The following MED12L variants were observed in gnomAD, a reference collection of about 807,000 sequenced individuals.
MED12L encodes mediator complex subunit 12L.
In MED12L, 60 loss-of-function variants were observed where a neutral mutation model predicts 281.3. The observed-to-expected ratio is 0.21, with a 90% CI of 0.17 to 0.26. MED12L has a LOEUF of 0.26. Ranked by LOEUF, MED12L falls within the 10% of genes least tolerant of loss-of-function variation. The probability of loss-of-function intolerance (pLI) is 1.00; values close to 1 mark genes in which losing one functional copy is unlikely to be tolerated. For missense variants in MED12L, 2,146 were observed against 2,680.9 expected (o/e 0.80, Z 4.41); for synonymous variants, 974 against 987.2 (o/e 0.99, Z 0.25).
chr3:151,338,708 C>G (rs368849296), intron 16 of MED12L: 2 of 1,613,348 alleles, frequency 1.2e-6, no homozygotes, highest in Non-Finnish European at 1.7e-6. Flanking sequence ...AAATCCTCAT[C>G]GCCAGGCCAT....
intron 16 of MED12L, among the ~76,000 whole-genome samples, chr3:151,331,785 A>G (rs956287922): frequency 1.3e-5 from 2 of 152,214 alleles, no homozygotes; most frequent in African/African-American, 4.8e-5. Flanking sequence ...ATCTTATTTA[A>G]TCCTTAACAA....
intron 3 of MED12L, among the ~76,000 whole-genome samples, chr3:151,119,988 G>A (rs529252256): frequency 6.6e-6 from 1 of 151,814 alleles, no homozygotes; most frequent in East Asian, 1.9e-4. Context: ...GGGGGCTGAG[G>A]CAGGTGGATT....
At chr3:151,269,981 G>C (rs971991312) in intron 16 of MED12L, 8 of 299,638 alleles carry the variant, frequency 2.7e-5, no homozygotes, top group Non-Finnish European at 5.1e-5. Context: ...GTACTACTTG[G>C]TTTTCAATAT....
At chr3:151,372,541 T>A (rs1216872499) in intron 26 of MED12L, 26 bp from the exon 27 acceptor site, 1 of 1,587,578 alleles carries the variant, frequency 6.3e-7, no homozygotes, top group African/African-American at 1.3e-5. Context: ...CTTCTGTGAT[T>A]TTGCTTTTGT....
chr3:151,392,661 AC>A (rs1360769773), intron 38 of MED12L, among the ~76,000 whole-genome samples: 2 of 152,104 alleles, frequency 1.3e-5, no homozygotes, highest in African/African-American at 4.8e-5. Flanking sequence ...TCACTCACAT[AC>A]AAAAACATAT....
At chr3:151,155,222 T>C (rs1274661416) in intron 5 of MED12L, among the ~76,000 whole-genome samples, 1 of 152,246 alleles carries the variant, frequency 6.6e-6, no homozygotes, top group African/African-American at 2.4e-5. Flanking sequence ...TCTTCTGAAA[T>C]GCTGTTTTGC....
intron 2 of MED12L, among the ~76,000 whole-genome samples, chr3:151,087,251 C>G (rs921135896): frequency 2.0e-5 from 3 of 152,244 alleles, no homozygotes; most frequent in South Asian, 4.1e-4. Context: ...ATGTGCCGGT[C>G]GCTTTCCCGT....
rs373724265 is a variant in MED12L, at chr3:151,188,393, A to G, written c.1666A>G (p.Ile556Val). The G allele has an allele frequency of 1.6e-5, 25 of 1,610,850 alleles. No homozygotes were observed. The highest frequency in any genetic ancestry group is 2.0e-5 in the Non-Finnish European group (24 of 1,177,360). ...AGAAGTCTTAGATGAGAAGGAGTCTATTTCTTCATCCTCTCTTGCTGGATC... is the reference window on the plus strand; with the variant it reads ...AGAAGTCTTAGATGAGAAGGAGTCTGTTTCTTCATCCTCTCTTGCTGGATC... ...ESEVLDEKES[I>V]SSSSLAGSSL... is the part of the protein sequence containing the mutation. The change falls in exon 13 of 45, where the codon ATT (isoleucine) becomes GTT (valine). Residue 556 changes from isoleucine (I) to valine (V), a missense_variant. By Grantham distance (29) the Ile-to-Val change is conservative. This residue lies in a region of MED12L where 722 missense variants were observed against 861.2 expected (regional missense o/e 0.84). Transcript: ENST00000687756.
At chr3:151,334,478 G>A (rs748991551) in intron 16 of MED12L, among the ~76,000 whole-genome samples, 23 of 151,554 alleles carry the variant, frequency 1.5e-4, no homozygotes, top group Middle Eastern at 6.8e-3. Flanking sequence ...TACTGGTCCA[G>A]GGGGAAGCAG....
chr3:151,344,303 A>AT (rs74855620), intron 16 of MED12L, among the ~76,000 whole-genome samples: 3,720 of 41,316 alleles, frequency 0.09, 153 homozygotes, highest in African/African-American at 0.35. Context: ...GTTACTAATG[A>AT]TTAAAAAAAA....
Position 151,159,836 on chromosome 3 carries a change from C to T in MED12L, c.842C>T (p.Ser281Leu), listed in dbSNP as rs1719753914. The T allele has an allele frequency of 6.2e-7, 1 of 1,612,934 alleles. No homozygotes were observed. ...KLLLPLMLQY[S>L]DEFVQSAYLS... Reference sequence around the variant, plus strand: ...TGGTGTCCTTCTACTTCTCAGTATTCAGATGAGTTTGTTCAGTCGGCCTAC... The same window carrying T: ...TGGTGTCCTTCTACTTCTCAGTATTTAGATGAGTTTGTTCAGTCGGCCTAC... The change falls in exon 8 of 45, where the codon TCA becomes TTA. Residue 281 changes from serine to leucine, a missense_variant. Ser to Leu is a moderately radical substitution (Grantham distance 145, BLOSUM62 -2). This residue lies in a region of MED12L where 722 missense variants were observed against 861.2 expected (regional missense o/e 0.84). Coordinates refer to ENST00000687756, the MANE Select transcript of MED12L (RefSeq NM_001393769.1).
chr3:151,264,995 G>A (rs928475537), intron 16 of MED12L, among the ~76,000 whole-genome samples: 27 of 151,998 alleles, frequency 1.8e-4, no homozygotes, highest in African/African-American at 6.3e-4. Context: ...CTCCCTCTTT[G>A]TCTCCCTTAT....
chr3:151,109,468 G>A (rs1560055133), intron 2 of MED12L, among the ~76,000 whole-genome samples: 2 of 152,120 alleles, frequency 1.3e-5, no homozygotes, highest in African/African-American at 2.4e-5. Flanking sequence ...TGTCTCCCTC[G>A]AATTGCTTTA....
intron 16 of MED12L, among the ~76,000 whole-genome samples, chr3:151,312,823 C>G (rs765903634): frequency 6.6e-6 from 1 of 152,180 alleles, no homozygotes; most frequent in African/African-American, 2.4e-5. Context: ...TACCCAACCC[C>G]TCTGTGCCGC....
rs1295708955 is a variant in MED12L, at chr3:151,355,943, A to G, written c.2565A>G (p.Thr855=). 1 of 1,614,108 alleles carries G rather than the reference A, an allele frequency of 6.2e-7. No individual in the cohort carries two copies. ...AAATCACAAGCTTTGCGTCAGGAAC[A>G]TCCTATCATCTCCCTTTGGCTCACC... ...LEQITSFASG[T]SYHLPLAHHI... The change falls in exon 19 of 45, where the codon ACA becomes ACG. Residue 855 remains threonine, a synonymous_variant. Coordinates refer to ENST00000687756, the MANE Select transcript of MED12L (RefSeq NM_001393769.1).
intron 16 of MED12L, chr3:151,199,358 A>C: frequency 6.2e-7 from 1 of 1,612,480 alleles, no homozygotes; most frequent in Non-Finnish European, 8.5e-7. Flanking sequence ...ATCTTTATAA[A>C]CTGGGCAGAA....
Position 151,152,557 on chromosome 3 carries a change from G to T in MED12L, c.557-3604G>T, listed in dbSNP as rs142433392. ...GCAGGTGCTGTCTATTGATACTCAA[G>T]GTCTATCAGTTTCCTTTCTACTGAC... On this transcript the variant is annotated intron_variant, in intron 5 of 44. Transcript: ENST00000687756. 2.0e-5 allele frequency among the ~76,000 whole-genome samples: 3 copies of T among 152,202 alleles called. No individual in the cohort carries two copies. The East Asian group carries it at 5.8e-4, about 29-fold the overall frequency.
At chr3:151,397,767 A>G (rs369091811) in intron 39 of MED12L, among the ~76,000 whole-genome samples, 5 of 152,196 alleles carry the variant, frequency 3.3e-5, no homozygotes, top group Non-Finnish European at 7.3e-5. Flanking sequence ...GACTAATAAT[A>G]TAGTTACTTT....
intron 36 of MED12L, among the ~76,000 whole-genome samples, chr3:151,385,908 C>T (rs528809900): frequency 5.9e-5 from 9 of 152,066 alleles, no homozygotes; most frequent in Admixed American, 1.3e-4. Flanking sequence ...AAGCAACCAC[C>T]GACATTCCAC....
Sources: gnomAD v4.1 joint callset for allele counts (sites outside exome capture counted in the v4.1 genomes callset) on GRCh38, gnomAD v4.1.1 for gene constraint, gnomAD v4.1.1 regional missense constraint, MANE v1.5 for transcripts, NCBI Gene and HGNC (gene_info 2026-07-23, HGNC 2026-07-21) for gene names.